The following C14orf39 variants were observed in gnomAD, a reference collection of about 807,000 sequenced individuals.
The protein encoded by C14orf39 is chromosome 14 open reading frame 39.
A neutral mutation model predicts 85.6 loss-of-function variants in C14orf39; 66 were observed. That is an observed-to-expected ratio of 0.77 (90% CI 0.63 to 0.95). C14orf39 has a LOEUF of 0.95. Ranked by LOEUF, C14orf39 falls within the 40% of genes least tolerant of loss-of-function variation. The pLI is 0.00. For missense variants in C14orf39, 735 were observed against 663.9 expected, an observed-to-expected ratio of 1.11 and a Z score of -1.18; for synonymous variants, 242 against 214.0, an observed-to-expected ratio of 1.13 and a Z score of -1.14.
At chr14:60,501,333 C>T (rs1420869303) in intron 1 of C14orf39, among the ~76,000 whole-genome samples, 2 of 140,042 alleles carry the variant, frequency 1.4e-5, no homozygotes, top group South Asian at 2.3e-4. Flanking sequence ...AAAGCAATCA[C>T]ATGCATCCTT....
chr14:60,466,157 C>A (rs1485809141), intron 10 of C14orf39, 102 bp from the exon 11 acceptor site: 2 of 469,664 alleles, frequency 4.3e-6, no homozygotes, highest in East Asian at 3.6e-5. Flanking sequence ...ATCAAGTCTA[C>A]ATGAATTTTT....
chr14:60,456,069 C>T (rs762809132), intron 15 of C14orf39, among the ~76,000 whole-genome samples: 1 of 151,986 alleles, frequency 6.6e-6, no homozygotes, highest in African/African-American at 2.4e-5. Context: ...ACATTCAAAT[C>T]CATAACTCTT....
chr14:60,455,246 T>A (rs1050877050), intron 15 of C14orf39, 101 bp from the exon 16 acceptor site: 1 of 731,318 alleles, frequency 1.4e-6, no homozygotes. Flanking sequence ...ATTAGCATAG[T>A]AGGGAAATGT....
intron 17 of C14orf39, among the ~76,000 whole-genome samples, chr14:60,439,407 C>T (rs543427017): frequency 5.3e-5 from 8 of 151,902 alleles, no homozygotes; most frequent in Admixed American, 1.3e-4. Flanking sequence ...AACAGTAAGA[C>T]TGAAATATAA....
At chr14:60,451,587 A>T (rs1409630364) in intron 16 of C14orf39, among the ~76,000 whole-genome samples, 1 of 151,678 alleles carries the variant, frequency 6.6e-6, no homozygotes, top group Non-Finnish European at 1.5e-5. Flanking sequence ...TATCACAAGG[A>T]CAGAAAACTA....
chr14:60,447,323 C>T (rs1403467706), intron 16 of C14orf39, among the ~76,000 whole-genome samples: 1 of 152,178 alleles, frequency 6.6e-6, no homozygotes, highest in Admixed American at 6.5e-5. Context: ...CCCAAAATCT[C>T]CTTAAGCTGA....
rs777587873 is a variant in C14orf39, at chr14:60,483,734, G to A, written c.190C>T (p.His64Tyr). The part of the protein sequence containing the change: ...TINATDEEID[H>Y]YCKHSEEIKD... ...ATCTCCTCACTATGTTTACAGTAATGATCAATTTCCTCATCTGTTGCATTT... is the reference window on the plus strand; with the variant it reads ...ATCTCCTCACTATGTTTACAGTAATAATCAATTTCCTCATCTGTTGCATTT... The change falls in exon 4 of 18, where the codon CAT (histidine) becomes TAT (tyrosine). Residue 64 changes from histidine (H) to tyrosine (Y), a missense_variant. Transcript: ENST00000321731. 5 of 1,597,826 alleles carry A rather than the reference G, an allele frequency of 3.1e-6. No homozygotes were observed. Among genetic ancestry groups the A allele is most frequent in the South Asian group, 2.2e-5 (2 of 89,740 alleles).
At chr14:60,504,116 G>A (rs1274697937) in intron 1 of C14orf39, among the ~76,000 whole-genome samples, 1 of 152,212 alleles carries the variant, frequency 6.6e-6, no homozygotes, top group Non-Finnish European at 1.5e-5. Flanking sequence ...CCCTGGAAGT[G>A]GGGAAACAGC....
upstream of C14orf39, among the ~76,000 whole-genome samples, chr14:60,488,836 CT>C (rs1175929795): frequency 6.6e-6 from 1 of 151,996 alleles, no homozygotes; most frequent in African/African-American, 2.4e-5. Flanking sequence ...TCCTCCCTTC[CT>C]TTTTTTCTTA....
At chr14:60,458,636 G>T in intron 14 of C14orf39, 42 bp downstream of exon 14, 1 of 1,395,156 alleles carries the variant, frequency 7.2e-7, no homozygotes, top group Non-Finnish European at 1.0e-6. Flanking sequence ...ATTTTAAATT[G>T]GAATTTTTGC....
intron 17 of C14orf39, among the ~76,000 whole-genome samples, chr14:60,441,657 C>G (rs1397877839): frequency 6.6e-6 from 1 of 151,910 alleles, no homozygotes; most frequent in Non-Finnish European, 1.5e-5. Flanking sequence ...AAATATAATA[C>G]ACGTACATAT....
At chr14:60,482,877 CA>C (rs1595486344) in intron 4 of C14orf39, among the ~76,000 whole-genome samples, 1 of 59,506 alleles carries the variant, frequency 1.7e-5, no homozygotes, top group Non-Finnish European at 4.8e-5. Context: ...GCTATATAGA[CA>C]GGTGTGTGTG....
chr14:60,439,340 T>C lies in C14orf39; in HGVS notation c.1562-2293A>G, dbSNP rs553643995. 3.3e-5 allele frequency among the ~76,000 whole-genome samples: 5 copies of C among 152,272 alleles called. No individual in the cohort carries two copies. The East Asian group carries it at 7.7e-4, about 23-fold the overall frequency. On this transcript the variant is annotated intron_variant, in intron 17 of 17. Transcript: ENST00000321731. ...TGAAGATTAATTAAGCTGTGATCTA[T>C]AGGTAAGCTGAAAAATGGAAAACAC...
rs781203103 is a variant in C14orf39 at position 60,454,997 on chromosome 14, T to C, written c.1503+4A>G. 5.9e-6 allele frequency: 9 copies of C among 1,520,088 alleles called. No homozygotes were observed. In the Admixed American group the frequency reaches 1.6e-4, roughly 26 times the overall value. The allele number at this position is 1,520,088 out of a possible 1,614,324, so 94.2% of individuals were successfully genotyped here. A position where few individuals can be genotyped will look rare whatever the true frequency, so the allele number is the denominator to read the frequency against. Reference sequence around the variant, plus strand: ...GAAATAAAACTTTTGGCTTCTCATATTACCTGATCTGATGAGATTTCTGTA... The same window carrying C: ...GAAATAAAACTTTTGGCTTCTCATACTACCTGATCTGATGAGATTTCTGTA... On this transcript the variant is annotated splice_donor_region_variant and intron_variant, in intron 16 of 17. Coordinates refer to ENST00000321731, the MANE Select transcript of C14orf39 (RefSeq NM_174978.3).
intron 5 of C14orf39, among the ~76,000 whole-genome samples, chr14:60,473,603 T>C (rs1183725257): frequency 2.0e-5 from 3 of 152,182 alleles, no homozygotes. Context: ...AGGGATCCAG[T>C]TTCAGCTTTC....
intron 4 of C14orf39, among the ~76,000 whole-genome samples, chr14:60,478,882 A>G (rs1235676234): frequency 6.6e-6 from 1 of 152,172 alleles, no homozygotes; most frequent in African/African-American, 2.4e-5. Flanking sequence ...ACCAGAGCAA[A>G]TGAATTACAA....
chr14:60,496,365 CT>C, intron 2 of C14orf39: 1 of 342,982 alleles, frequency 2.9e-6, no homozygotes, highest in Non-Finnish European at 5.8e-6. Flanking sequence ...GTGTTGGCCA[CT>C]TTCCCTTTGG....
chr14:60,473,578 T>C (rs890329816), intron 5 of C14orf39, among the ~76,000 whole-genome samples: 20 of 152,204 alleles, frequency 1.3e-4, no homozygotes, highest in African/African-American at 4.3e-4. Context: ...TTAATTTTTG[T>C]ATAAGGCGTA....
At chr14:60,449,889 G>C (rs1429195241) in intron 16 of C14orf39, among the ~76,000 whole-genome samples, 1 of 152,092 alleles carries the variant, frequency 6.6e-6, no homozygotes, top group South Asian at 2.1e-4. Context: ...CATAATTTTT[G>C]ATAGGCTGGA....
Sources: gnomAD v4.1 joint callset for allele counts (sites outside exome capture counted in the v4.1 genomes callset) on GRCh38, gnomAD v4.1.1 for gene constraint, MANE v1.5 for transcripts, NCBI Gene and HGNC (gene_info 2026-07-23, HGNC 2026-07-21) for gene names.